ITPR2: variants seen among roughly 807,000 people sequenced by gnomAD.
ITPR2 encodes inositol 1,4,5-trisphosphate receptor type 2, also known as inositol 1,4,5-trisphosphate-gated calcium channel ITPR2.
A neutral mutation model predicts 317.1 loss-of-function variants in ITPR2; 207 were observed. The ratio of observed to expected loss-of-function variants is 0.65; its 90% CI spans 0.58 to 0.73. The LOEUF (loss-of-function observed/expected upper bound fraction) is 0.73, where lower values mean the gene tolerates loss of function less well. Ranked by LOEUF, ITPR2 falls within the 30% of genes least tolerant of loss-of-function variation. ITPR2 has a pLI of 0.00. For synonymous variants in ITPR2, 1,156 were observed against 1,149.1 expected, an observed-to-expected ratio of 1.01 and a Z score of -0.12; for missense variants, 2,613 against 3,284.0, an observed-to-expected ratio of 0.80 and a Z score of 4.99.
intron 37 of ITPR2, among the ~76,000 whole-genome samples, chr12:26,538,950 T>C (rs1944181400): frequency 6.6e-6 from 1 of 152,148 alleles, no homozygotes; most frequent in Non-Finnish European, 1.5e-5. Flanking sequence ...TAAAATACTT[T>C]CTTTCCTCAG....
chr12:26,720,322 T>C (rs1424743843), intron 5 of ITPR2, among the ~76,000 whole-genome samples: 1 of 152,178 alleles, frequency 6.6e-6, no homozygotes, highest in Non-Finnish European at 1.5e-5. Context: ...TCATCTATTG[T>C]TAAATAGTAA....
intron 1 of ITPR2, among the ~76,000 whole-genome samples, chr12:26,798,872 T>C (rs1486428335): frequency 6.6e-6 from 1 of 152,232 alleles, no homozygotes; most frequent in Non-Finnish European, 1.5e-5. Context: ...GCAAAACAGA[T>C]GCAACATGCC....
intron 49 of ITPR2, among the ~76,000 whole-genome samples, chr12:26,423,944 C>T (rs1326702293): frequency 6.6e-6 from 1 of 152,104 alleles, no homozygotes; most frequent in Non-Finnish European, 1.5e-5. Flanking sequence ...CCATAGTAAA[C>T]AGAAACCAGT....
intron 37 of ITPR2, among the ~76,000 whole-genome samples, chr12:26,537,004 C>T (rs1160956867): frequency 6.6e-6 from 1 of 152,234 alleles, no homozygotes; most frequent in Non-Finnish European, 1.5e-5. Flanking sequence ...CTTCACACAG[C>T]TGCTCAGAAA....
At chr12:26,350,610 A>C (rs1938449470) in intron 55 of ITPR2, among the ~76,000 whole-genome samples, 1 of 152,006 alleles carries the variant, frequency 6.6e-6, no homozygotes, top group African/African-American at 2.4e-5. Flanking sequence ...AAGTGTGATG[A>C]GGACCCTTGA....
rs556988466 is a variant in ITPR2 at position 26,613,509 on chromosome 12, G to A, written c.3462+7614C>T. Among the ~76,000 whole-genome samples the A allele has an allele frequency of 3.3e-4, 50 of 151,866 alleles. 1 individual carries two copies. The South Asian group carries it at 8.7e-3, about 26-fold the overall frequency. On this transcript the variant is annotated intron_variant, in intron 26 of 56. Transcript: ENST00000381340. The stretch of plus-strand genomic sequence containing the variant: ...CACTAGACTCATTGTTGGCTCTGAC[G>A]GCATCAGTCCATACCTAATAAGCTG...
chr12:26,578,026 C>T (rs4963667), intron 34 of ITPR2, among the ~76,000 whole-genome samples: 109,972 of 152,116 alleles, frequency 0.72, 41,270 homozygotes, highest in Non-Finnish European at 0.83. Flanking sequence ...AAATACGCTA[C>T]AAACTGCCTT....
At chr12:26,514,313 C>T (rs536703628) in intron 37 of ITPR2, among the ~76,000 whole-genome samples, 4 of 152,064 alleles carry the variant, frequency 2.6e-5, no homozygotes, top group East Asian at 3.8e-4. Context: ...AAAAACAAAG[C>T]GATTACAGTA....
In ITPR2 at chr12:26,337,375, A is replaced by G. The variant is rs1468928375; in HGVS notation, c.*2022T>C. 1 of 152,186 alleles carries G rather than the reference A, an allele frequency of 6.6e-6. No homozygotes were observed. The highest frequency in any genetic ancestry group is 2.4e-5 in the African/African-American group (1 of 41,452). 9.4% of individuals were successfully genotyped at this position (152,186 alleles called of 1,614,324 possible). On this transcript the variant is annotated 3_prime_UTR_variant, in exon 57 of 57. Transcript: ENST00000381340. ...AAACAGAGATAGGTTCCTATATTGG[A>G]ATATGTTCAATATTTACTACCTTTC...
intron 55 of ITPR2, among the ~76,000 whole-genome samples, chr12:26,368,244 A>T (rs1279571457): frequency 6.6e-5 from 10 of 152,212 alleles, no homozygotes. Context: ...GATTTAATTC[A>T]ACATCCTTGT....
intron 55 of ITPR2, among the ~76,000 whole-genome samples, chr12:26,365,457 A>T (rs1342697110): frequency 6.6e-6 from 1 of 152,128 alleles, no homozygotes; most frequent in Admixed American, 6.5e-5. Context: ...AGGAGTTCAG[A>T]AGTAATAGAT....
At chr12:26,656,662 A>G (rs1947375002) in intron 18 of ITPR2, 114 bp from the exon 19 acceptor site, 2 of 1,074,080 alleles carry the variant, frequency 1.9e-6, no homozygotes, top group South Asian at 1.5e-5. Context: ...CATTCATGAT[A>G]TTGGAGTCAA....
Position 26,339,252 on chromosome 12 carries a change from G to T in ITPR2, c.*145C>A. On this transcript the variant is annotated 3_prime_UTR_variant, in exon 57 of 57. Transcript: ENST00000381340. ...GAAAACACAGTTATAAATTGTTCTC[G>T]GAGCTAACCCACTCAACATCTTGGC... 1 of 650,328 alleles carries T rather than the reference G, an allele frequency of 1.5e-6. No homozygotes were observed. The highest frequency in any genetic ancestry group is 2.7e-6 in the Non-Finnish European group (1 of 366,752). 40.3% of individuals were successfully genotyped at this position (650,328 alleles called of 1,614,324 possible).
In ITPR2 at chr12:26,661,026, T is replaced by C. The variant is rs1291656019; in HGVS notation, c.1714-1741A>G. Among the ~76,000 whole-genome samples, 6 of 151,890 alleles carry C rather than the reference T, an allele frequency of 4.0e-5. No individual in the cohort carries two copies. In the East Asian group the frequency reaches 1.2e-3, roughly 29 times the overall value. On this transcript the variant is annotated intron_variant, in intron 15 of 56. Coordinates refer to ENST00000381340, the MANE Select transcript of ITPR2 (RefSeq NM_002223.4). ...AAAAAATCAGAAAGCTGCTTTATGC[T>C]TACTACCAAGCATTCTTAACTCAAT...
chr12:26,749,226 A>G (rs2137099781), intron 2 of ITPR2, among the ~76,000 whole-genome samples: 1 of 152,322 alleles, frequency 6.6e-6, no homozygotes, highest in Middle Eastern at 3.4e-3. Flanking sequence ...TGACTTTTAA[A>G]TGTCCAAGCC....
chr12:26,386,387 T>C (rs192874755), intron 55 of ITPR2, among the ~76,000 whole-genome samples: 42 of 152,300 alleles, frequency 2.8e-4, no homozygotes, highest in Admixed American at 3.9e-4. Flanking sequence ...ATAAATCCAA[T>C]TTACATGTAG....
intron 49 of ITPR2, among the ~76,000 whole-genome samples, chr12:26,425,954 G>A (rs1051863601): frequency 2.6e-5 from 4 of 152,154 alleles, no homozygotes; most frequent in Admixed American, 6.5e-5. Context: ...TGCTCCAAAT[G>A]TCTTTGGTTT....
intron 46 of ITPR2, among the ~76,000 whole-genome samples, chr12:26,442,752 T>C (rs188195991): frequency 6.6e-6 from 1 of 152,218 alleles, no homozygotes; most frequent in East Asian, 1.9e-4. Flanking sequence ...TAGTAAACAA[T>C]ACAGTGTAGG....
intron 2 of ITPR2, among the ~76,000 whole-genome samples, chr12:26,739,797 A>G (rs1343108200): frequency 1.3e-5 from 2 of 152,256 alleles, no homozygotes; most frequent in African/African-American, 4.8e-5. Flanking sequence ...ATAAGTTACT[A>G]TTCAATCAAG....
Sources: allele counts gnomAD v4.1 joint callset (sites outside exome capture counted in the v4.1 genomes callset), GRCh38; gene constraint gnomAD v4.1.1; transcripts MANE v1.5; gene names NCBI Gene and HGNC (gene_info 2026-07-23, HGNC 2026-07-21).